Variants in LINGO2 observed in about 807,000 individuals in gnomAD.
LINGO2 encodes leucine rich repeat and Ig domain containing 2.
LINGO2 carries 14 observed loss-of-function variants against 30.6 expected under a neutral mutation model. That is an observed-to-expected ratio of 0.46 (90% confidence interval 0.30 to 0.72). The LOEUF (loss-of-function observed/expected upper bound fraction) is 0.72, where lower values mean the gene tolerates loss of function less well. Ranked by LOEUF, LINGO2 falls within the 30% of genes least tolerant of loss-of-function variation. The pLI is 0.07. For missense variants in LINGO2, 729 were observed against 751.7 expected, an observed-to-expected ratio of 0.97 and a Z score of 0.35; for synonymous variants, 317 against 288.5, an observed-to-expected ratio of 1.10 and a Z score of -1.00.
chr9:28,943,320 T>C, the LINGO2 span, among the ~76,000 whole-genome samples: 1 of 152,000 alleles, frequency 6.6e-6, no homozygotes, highest in African/African-American at 2.4e-5. Flanking sequence ...GAATTAAATA[T>C]AGATCTAAAA....
At chr9:28,763,027 G>T in the LINGO2 span, among the ~76,000 whole-genome samples, 2 of 152,066 alleles carry the variant, frequency 1.3e-5, no homozygotes, top group Non-Finnish European at 2.9e-5. Context: ...CTACTTCACA[G>T]TTTATTTTGT....
At chr9:28,109,725 G>C (rs1826714422) in intron 4 of LINGO2, among the ~76,000 whole-genome samples, 1 of 152,142 alleles carries the variant, frequency 6.6e-6, no homozygotes, top group Non-Finnish European at 1.5e-5. Context: ...ACAAACCTCT[G>C]CTCAAGGAAA....
intron 5 of LINGO2, among the ~76,000 whole-genome samples, chr9:27,955,364 A>G (rs1333763410): frequency 6.6e-6 from 1 of 152,180 alleles, no homozygotes; most frequent in African/African-American, 2.4e-5. Flanking sequence ...GATTTTAAGC[A>G]TACAGCTCAA....
At position 28,497,529 on chromosome 9, in the gene LINGO2, T is replaced by C. The variant is rs1819688745; in HGVS notation, c.-364-21504A>G. ...CTTCATCAGGTCATTTAAGAACTTT[T>C]CTACACTGGTTATTCTAGTTAGTCA... On this transcript the variant is annotated intron_variant, in intron 1 of 5. Transcript: ENST00000379992. Among the ~76,000 whole-genome samples, 2 of 152,226 alleles carry C rather than the reference T, an allele frequency of 1.3e-5. 1 individual carries two copies. The highest frequency in any genetic ancestry group is 4.1e-4 in the South Asian group (2 of 4,830).
chr9:28,092,467 G>T lies in LINGO2; in HGVS notation c.-86-80062C>A, dbSNP rs541784092. ...AAGGACAAAAAACCAAACACCGCAT[G>T]TTCTCACTCATAGGTGGGAACTGAA... On this transcript the variant is annotated intron_variant, in intron 4 of 5. Coordinates refer to ENST00000379992, the Ensembl canonical transcript of LINGO2. Among the ~76,000 whole-genome samples, 21 of 147,092 alleles carry T rather than the reference G, an allele frequency of 1.4e-4. No individual in the cohort carries two copies. In the South Asian group the frequency reaches 4.7e-3, roughly 33 times the overall value.
chr9:29,018,181 C>A, the LINGO2 span, among the ~76,000 whole-genome samples: 3 of 149,784 alleles, frequency 2.0e-5, no homozygotes, highest in Non-Finnish European at 4.4e-5. Context: ...CAAACTGATG[C>A]AAGAAGAGAA....
At chr9:28,000,661 C>T (rs1412314376) in intron 5 of LINGO2, among the ~76,000 whole-genome samples, 1 of 152,184 alleles carries the variant, frequency 6.6e-6, no homozygotes, top group Non-Finnish European at 1.5e-5. Context: ...CAGTGATAAG[C>T]TCTATAGAGC....
chr9:27,971,513 G>T (rs1470264339), intron 5 of LINGO2, among the ~76,000 whole-genome samples: 4 of 152,096 alleles, frequency 2.6e-5, no homozygotes, highest in Non-Finnish European at 5.9e-5. Context: ...CACCCAAGTA[G>T]CTGGGATTAC....
intron 1 of LINGO2, among the ~76,000 whole-genome samples, chr9:28,590,009 C>T (rs1183898541): frequency 1.3e-5 from 2 of 152,222 alleles, no homozygotes; most frequent in East Asian, 3.9e-4. Context: ...TGCATATCTA[C>T]AACCATCTGA....
the LINGO2 span, among the ~76,000 whole-genome samples, chr9:28,987,262 T>C: frequency 6.6e-6 from 1 of 152,068 alleles, no homozygotes; most frequent in African/African-American, 2.4e-5. Flanking sequence ...TTCTTCATAA[T>C]TCAGTCTTGG....
chr9:28,644,600 G>T (rs563031504), intron 1 of LINGO2, among the ~76,000 whole-genome samples: 2 of 150,972 alleles, frequency 1.3e-5, no homozygotes, highest in South Asian at 4.2e-4. Context: ...AAAAAAGAAA[G>T]AATTAATAAG....
chr9:28,457,455 C>T (rs1012096625), intron 2 of LINGO2, among the ~76,000 whole-genome samples: 2 of 152,056 alleles, frequency 1.3e-5, no homozygotes, highest in Non-Finnish European at 2.9e-5. Context: ...CACTTTGTCA[C>T]CCAGGCTGGA....
At chr9:27,981,578 A>AAGAAAAAAAT (rs1820877688) in intron 5 of LINGO2, among the ~76,000 whole-genome samples, 1 of 148,866 alleles carries the variant, frequency 6.7e-6, no homozygotes, top group African/African-American at 2.4e-5. Flanking sequence ...AAGAAAAAAA[A>AAGAAAAAAAT]AAGAAAAAAA....
chr9:28,959,427 A>G, the LINGO2 span, among the ~76,000 whole-genome samples: 1 of 152,172 alleles, frequency 6.6e-6, no homozygotes, highest in Non-Finnish European at 1.5e-5. Context: ...ACATGAGAAT[A>G]GAAGGAGAGG....
the LINGO2 span, among the ~76,000 whole-genome samples, chr9:28,744,694 T>C: frequency 2.0e-5 from 3 of 148,646 alleles, no homozygotes; most frequent in South Asian, 6.4e-4. Context: ...TGGAGTGCAG[T>C]GGAGTGATCT....
At chr9:29,026,555 A>T in the LINGO2 span, among the ~76,000 whole-genome samples, 1 of 152,096 alleles carries the variant, frequency 6.6e-6, no homozygotes, top group Non-Finnish European at 1.5e-5. Flanking sequence ...ATGTAGAAAA[A>T]ACAGTATAGA....
chr9:28,482,037 G>T (rs1379250734), intron 1 of LINGO2, among the ~76,000 whole-genome samples: 1 of 152,050 alleles, frequency 6.6e-6, no homozygotes, highest in Non-Finnish European at 1.5e-5. Flanking sequence ...TAGACATTTG[G>T]GTTGGTTCCA....
chr9:28,792,068 T>C, the LINGO2 span, among the ~76,000 whole-genome samples: 2 of 151,506 alleles, frequency 1.3e-5, no homozygotes, highest in Non-Finnish European at 3.0e-5. Context: ...TATATGTATG[T>C]ATGTATATTT....
chr9:28,670,084 AAT>A (rs1415524116), intron 1 of LINGO2, 114 bp downstream of exon 3: 2 of 152,100 alleles, frequency 1.3e-5, no homozygotes, highest in Admixed American at 6.6e-5. Context: ...AAATTAATTA[AAT>A]ATATGATTAA....
Sources: allele counts gnomAD v4.1 joint callset (sites outside exome capture counted in the v4.1 genomes callset), GRCh38; gene constraint gnomAD v4.1.1; transcripts MANE v1.5; gene names NCBI Gene and HGNC (gene_info 2026-07-23, HGNC 2026-07-21).